The following RBFOX1 variants were observed in gnomAD, a reference collection of about 807,000 sequenced individuals.
RBFOX1 encodes RNA binding protein fox-1 homolog 1.
Under a neutral mutation model 57.7 loss-of-function variants are expected in RBFOX1, and 8 were observed. The observed-to-expected ratio is 0.14, with a 90% CI of 0.08 to 0.25. The LOEUF (loss-of-function observed/expected upper bound fraction) is 0.25, where lower values mean the gene tolerates loss of function less well. RBFOX1 is among the 10% of genes least tolerant of loss of function. RBFOX1 has a pLI of 1.00. For missense variants in RBFOX1, 611 were observed against 548.5 expected, an observed-to-expected ratio of 1.11 and a Z score of -1.14; for synonymous variants, 326 against 222.4, an observed-to-expected ratio of 1.47 and a Z score of -4.15.
chr16:7,064,051 A>T (rs535103990), intron 4 of RBFOX1, among the ~76,000 whole-genome samples: 1 of 152,242 alleles, frequency 6.6e-6, no homozygotes, highest in South Asian at 2.1e-4. Context: ...TGGAAGTTCT[A>T]GCCTCTAGTA....
intron 4 of RBFOX1, among the ~76,000 whole-genome samples, chr16:7,079,284 A>G (rs761169425): frequency 1.3e-5 from 2 of 152,130 alleles, no homozygotes; most frequent in Admixed American, 6.5e-5. Flanking sequence ...GGAGCTTGCA[A>G]ACTGAGGGTT....
chr16:6,979,084 A>C (rs2087909493), intron 3 of RBFOX1, among the ~76,000 whole-genome samples: 1 of 152,196 alleles, frequency 6.6e-6, no homozygotes, highest in Admixed American at 6.5e-5. Context: ...AAATAGCACC[A>C]ATATGTTCAA....
intron 4 of RBFOX1, among the ~76,000 whole-genome samples, chr16:7,135,944 C>T (rs577316286): frequency 2.0e-5 from 3 of 152,282 alleles, no homozygotes; most frequent in East Asian, 1.9e-4. Context: ...GCCATTTCAT[C>T]GGAAAATAAA....
At chr16:7,051,468 G>A (rs1468248050) in intron 3 of RBFOX1, among the ~76,000 whole-genome samples, 1 of 152,200 alleles carries the variant, frequency 6.6e-6, no homozygotes. Context: ...CTATCTGATG[G>A]CCGATACCAG....
intron 1 of RBFOX1, among the ~76,000 whole-genome samples, chr16:5,300,578 A>G (rs896659887): frequency 1.3e-5 from 2 of 152,164 alleles, no homozygotes; most frequent in African/African-American, 2.4e-5. Flanking sequence ...AGTAATAATT[A>G]TATTATTTAT....
At chr16:7,236,492 T>C (rs1475395068) in intron 4 of RBFOX1, among the ~76,000 whole-genome samples, 2 of 152,158 alleles carry the variant, frequency 1.3e-5, no homozygotes, top group Non-Finnish European at 2.9e-5. Context: ...GGTTCCTAAA[T>C]GCATCCATCC....
chr16:6,540,215 A>C (rs920467919), intron 2 of RBFOX1, among the ~76,000 whole-genome samples: 1 of 152,074 alleles, frequency 6.6e-6, no homozygotes, highest in African/African-American at 2.4e-5. Flanking sequence ...CATTACTTTA[A>C]CATTCTTGAA....
chr16:7,664,145 CATAT>C (rs1273491256), intron 12 of RBFOX1, among the ~76,000 whole-genome samples: 2 of 152,146 alleles, frequency 1.3e-5, no homozygotes, highest in Middle Eastern at 3.2e-3. Context: ...TACACAAATA[CATAT>C]AAATAAGTAT....
chr16:6,334,867 T>C (rs951826212), intron 2 of RBFOX1, among the ~76,000 whole-genome samples: 2 of 152,160 alleles, frequency 1.3e-5, no homozygotes, highest in Non-Finnish European at 2.9e-5. Context: ...TTTTCCCCTG[T>C]GGTCAAAGAG....
chr16:6,508,485 A>G (rs1471677977), intron 2 of RBFOX1, among the ~76,000 whole-genome samples: 1 of 152,188 alleles, frequency 6.6e-6, no homozygotes, highest in African/African-American at 2.4e-5. Flanking sequence ...AAAAGAAAAC[A>G]TAATTCAGCT....
intron 3 of RBFOX1, among the ~76,000 whole-genome samples, chr16:5,854,749 C>G (rs1349207546): frequency 6.6e-6 from 1 of 152,154 alleles, no homozygotes; most frequent in East Asian, 1.9e-4. Context: ...GATAGGTACT[C>G]AGAAGGATTG....
intron 2 of RBFOX1, among the ~76,000 whole-genome samples, chr16:6,424,008 G>C (rs1251066310): frequency 1.3e-5 from 2 of 152,088 alleles, no homozygotes; most frequent in Non-Finnish European, 1.5e-5. Context: ...GGGAGGCCGA[G>C]GCAGGTGGAT....
intron 1 of RBFOX1, among the ~76,000 whole-genome samples, chr16:6,052,741 G>A (rs918165772): frequency 2.6e-4 from 40 of 151,378 alleles, no homozygotes; most frequent in Admixed American, 7.2e-4. Context: ...CCGAGATCGC[G>A]CCACTGCACT....
chr16:7,025,917 C>A (rs1381779175), intron 3 of RBFOX1, among the ~76,000 whole-genome samples: 1 of 152,158 alleles, frequency 6.6e-6, no homozygotes, highest in African/African-American at 2.4e-5. Context: ...ATGCCTAGAC[C>A]CCTCTCGGGA....
rs1438045492 is a variant in RBFOX1, at chr16:7,712,221, T to G, written c.*1476T>G. 1.3e-5 allele frequency: 2 copies of G among 152,558 alleles called. No individual in the cohort carries two copies. The highest frequency in any genetic ancestry group is 2.9e-5 in the Non-Finnish European group (2 of 68,054). 9.5% of individuals were successfully genotyped at this position (152,558 alleles called of 1,614,324 possible). ...CGTCACGGGTCTTCCTGTTTTGTAT[T>G]TAAATAAAAACAACAGCAGCAGGCT... On this transcript the variant is annotated 3_prime_UTR_variant, in exon 16 of 16. Coordinates refer to ENST00000550418, the MANE Select transcript of RBFOX1 (RefSeq NM_018723.4).
intron 2 of RBFOX1, among the ~76,000 whole-genome samples, chr16:6,353,926 T>A (rs2086832008): frequency 1.3e-5 from 2 of 152,116 alleles, no homozygotes; most frequent in African/African-American, 4.8e-5. Flanking sequence ...TTAGTCTCCT[T>A]TTCTAGAAGC....
intron 1 of RBFOX1, among the ~76,000 whole-genome samples, chr16:6,216,037 C>G (rs1464215458): frequency 6.6e-6 from 1 of 152,042 alleles, no homozygotes; most frequent in African/African-American, 2.4e-5. Flanking sequence ...GAACTGAAAA[C>G]CAAATACTGC....
rs57489583 is a variant in RBFOX1 at position 5,892,254 on chromosome 16, G to A, written c.351+24919G>A. On this transcript the variant is annotated intron_variant, in intron 4 of 19. Transcript: ENST00000641259. ...AAAGTGAGGTTTGAGAAGAGACTTG[G>A]CGGGGTTGAGGGGAGACCAAGCCTG... Among the ~76,000 whole-genome samples the A allele has an allele frequency of 4.4e-3, 673 of 152,296 alleles. 13 individuals carry two copies. The highest frequency in any genetic ancestry group is 0.015 in the African/African-American group (642 of 41,566).
At chr16:7,573,395 C>G (rs62011664) in intron 5 of RBFOX1, among the ~76,000 whole-genome samples, 2,871 of 152,242 alleles carry the variant, frequency 0.019, 38 homozygotes, top group Non-Finnish European at 0.029. Flanking sequence ...TCCCTGGCCA[C>G]TTTCCCGTCC....
Sources: allele counts gnomAD v4.1 joint callset (sites outside exome capture counted in the v4.1 genomes callset), GRCh38; gene constraint gnomAD v4.1.1; transcripts MANE v1.5; gene names NCBI Gene and HGNC (gene_info 2026-07-23, HGNC 2026-07-21).